Variants in IL1RN observed in about 807,000 individuals in gnomAD.
IL1RN encodes the protein interleukin 1 receptor antagonist.
In IL1RN, 10 loss-of-function variants were observed where a neutral mutation model predicts 13.7. That is an observed-to-expected ratio of 0.73 (90% CI 0.45 to 1.24). The LOEUF (loss-of-function observed/expected upper bound fraction) is 1.24, where lower values mean the gene tolerates loss of function less well. Among genes scored for constraint, IL1RN ranks in the 50% most tolerant of loss-of-function variants. The probability of loss-of-function intolerance (pLI) is 0.00; values close to 1 mark genes in which losing one functional copy is unlikely to be tolerated. For missense variants in IL1RN, 213 were observed against 222.1 expected, an observed-to-expected ratio of 0.96 and a Z score of 0.26; for synonymous variants, 102 against 82.7, an observed-to-expected ratio of 1.23 and a Z score of -1.27.
At chr2:113,105,095 G>T (rs1280813486), upstream of IL1RN, among the ~76,000 whole-genome samples, 1 of 152,208 alleles carries the variant, frequency 6.6e-6, no homozygotes, top group East Asian at 1.9e-4. Flanking sequence ...AGAGGAGGTA[G>T]CCTCGTAGCT....
chr2:113,125,199 A>G (rs180700070), upstream of IL1RN, among the ~76,000 whole-genome samples: 113 of 152,366 alleles, frequency 7.4e-4, no homozygotes, highest in African/African-American at 2.7e-3. Flanking sequence ...TCTTTCAGAG[A>G]GTGTGAGAAT....
In IL1RN at chr2:113,131,066, T is replaced by C. The variant is rs764111018; in HGVS notation, c.227T>C (p.Ile76Thr). 8.7e-6 allele frequency: 14 copies of C among 1,612,376 alleles called. No homozygotes were observed. The South Asian group carries it at 9.9e-5, about 11-fold the overall frequency. Residue 76 changes from isoleucine to threonine, a missense_variant, in exon 3 of 4, where the codon ATT becomes ACT. Coordinates refer to ENST00000409930, the MANE Select transcript of IL1RN (RefSeq NM_173842.3). ...CCAGAAAAGATAGATGTGGTACCCA[T>C]TGAGCCTCATGCTCTGTTCTTGGGA... The part of the protein sequence containing the change: ...NLEEKIDVVP[I>T]EPHALFLGIH...
chr2:113,099,723 CTTTTCTTTTTT>C, the IL1RN span, among the ~76,000 whole-genome samples: 153 of 72,226 alleles, frequency 2.1e-3, 7 homozygotes, highest in Non-Finnish European at 2.7e-3. Context: ...CCTCTTCTTT[CTTTTCTTTTTT>C]TTTTTTTTTT....
chr2:113,099,549 C>T, the IL1RN span, among the ~76,000 whole-genome samples: 27 of 152,170 alleles, frequency 1.8e-4, no homozygotes, highest in Middle Eastern at 3.4e-3. Flanking sequence ...AGTGGCAATC[C>T]GCCTCCTTCA....
chr2:113,119,767 GA>G (rs926301610), intron 1 of IL1RN, among the ~76,000 whole-genome samples: 14 of 152,166 alleles, frequency 9.2e-5, no homozygotes, highest in Admixed American at 3.3e-4. Context: ...TTGAATTCGG[GA>G]AAAAAGTGCA....
At chr2:113,111,664 CT>C (rs1417240873) in intron 1 of IL1RN, among the ~76,000 whole-genome samples, 1 of 152,256 alleles carries the variant, frequency 6.6e-6, no homozygotes, top group Non-Finnish European at 1.5e-5. Flanking sequence ...GGCGAATGGA[CT>C]GAGGCTTGCA....
chr2:113,127,458 A>C (rs918471556), upstream of IL1RN: 5 of 1,414,684 alleles, frequency 3.5e-6, no homozygotes, highest in African/African-American at 7.2e-5. Flanking sequence ...AGTGGGGTTG[A>C]AAGTGACAAC....
At chr2:113,117,670 G>A, upstream of IL1RN, 2 of 463,156 alleles carry the variant, frequency 4.3e-6, no homozygotes, top group South Asian at 2.8e-5. Context: ...GTTGGGGTAA[G>A]CACGAAGGCC....
upstream of IL1RN, among the ~76,000 whole-genome samples, chr2:113,126,484 C>T (rs1686965025): frequency 6.6e-6 from 1 of 152,192 alleles, no homozygotes; most frequent in Non-Finnish European, 1.5e-5. Context: ...TGCTTCTGCA[C>T]CAGCACTGTC....
intron 2 of IL1RN, chr2:113,129,900 G>A: frequency 1.9e-6 from 1 of 518,302 alleles, no homozygotes; most frequent in Non-Finnish European, 3.5e-6. Flanking sequence ...TATAGGCACA[G>A]TGGTCCCAGG....
chr2:113,108,493 T>C (rs1686421893), upstream of IL1RN, among the ~76,000 whole-genome samples: 1 of 152,062 alleles, frequency 6.6e-6, no homozygotes, highest in African/African-American at 2.4e-5. Flanking sequence ...TCTGCCTCCT[T>C]TCTCTACTTT....
upstream of IL1RN, among the ~76,000 whole-genome samples, chr2:113,122,786 A>C (rs1686820426): frequency 6.6e-6 from 1 of 152,170 alleles, no homozygotes; most frequent in Admixed American, 6.5e-5. Context: ...CCCTACCTCT[A>C]AATGCTACTC....
chr2:113,106,612 C>T (rs1251279778), upstream of IL1RN, among the ~76,000 whole-genome samples: 1 of 147,642 alleles, frequency 6.8e-6, no homozygotes, highest in East Asian at 1.9e-4. Flanking sequence ...GCCTCTCTTT[C>T]CTTTCCTTTT....
Position 113,127,689 on chromosome 2 carries a change from AGACGATCTGCC to A in IL1RN, c.69_79del (p.Ile24LeufsTer17). On this transcript the variant is annotated frameshift_variant, in exon 1 of 4. Transcript: ENST00000409930. LOFTEE classifies it high-confidence loss of function. ...CTCCTCCTCTTCCTGTTCCATTCAG[AGACGATCTGCC>A]GACCCTCTGGGAGAAAATCCAGCAA... 6.2e-7 allele frequency: 1 copy of A among 1,614,094 alleles called. No individual in the cohort carries two copies. The highest frequency in any genetic ancestry group is 1.1e-5 in the South Asian group (1 of 91,080).
intron 1 of IL1RN, among the ~76,000 whole-genome samples, chr2:113,128,080 C>G (rs577000159): frequency 1.3e-5 from 2 of 152,166 alleles, no homozygotes; most frequent in East Asian, 1.9e-4. Context: ...GGGCACAGCC[C>G]GAAGGCCCAG....
chr2:113,131,042 C>A lies in IL1RN; in HGVS notation c.206-3C>A. Reference sequence around the variant, plus strand: ...CCTGACCCTCCCCTCTGTTCTTCCCCAGAAAAGATAGATGTGGTACCCATT... The same window carrying A: ...CCTGACCCTCCCCTCTGTTCTTCCCAAGAAAAGATAGATGTGGTACCCATT... On this transcript the variant is annotated splice_polypyrimidine_tract_variant and splice_region_variant and intron_variant, in intron 2 of 3. Coordinates refer to ENST00000409930, the MANE Select transcript of IL1RN (RefSeq NM_173842.3). 1 of 1,580,588 alleles carries A rather than the reference C, an allele frequency of 6.3e-7. No homozygotes were observed. Among genetic ancestry groups the A allele is most frequent in the Non-Finnish European group, 8.7e-7 (1 of 1,149,292 alleles).
chr2:113,106,920 T>C (rs1286873428), upstream of IL1RN, among the ~76,000 whole-genome samples: 1 of 152,172 alleles, frequency 6.6e-6, no homozygotes, highest in East Asian at 1.9e-4. Context: ...TTAGAAATAA[T>C]ACATACAGTT....
chr2:113,110,896 A>G (rs529712775), upstream of IL1RN, among the ~76,000 whole-genome samples: 2 of 152,318 alleles, frequency 1.3e-5, no homozygotes, highest in South Asian at 4.1e-4. Flanking sequence ...TGTGTTGGAC[A>G]TGGATCCCAA....
At chr2:113,119,687 G>T (rs1340358606) in intron 1 of IL1RN, among the ~76,000 whole-genome samples, 1 of 152,144 alleles carries the variant, frequency 6.6e-6, no homozygotes, top group African/African-American at 2.4e-5. Context: ...GCTTAAAACT[G>T]GTTCATCCCA....
Sources: gnomAD v4.1 joint callset for allele counts (sites outside exome capture counted in the v4.1 genomes callset) on GRCh38, gnomAD v4.1.1 for gene constraint, MANE v1.5 for transcripts, NCBI Gene and HGNC (gene_info 2026-07-23, HGNC 2026-07-21) for gene names.